Variants in ZNF143 observed in about 807,000 individuals in gnomAD.
ZNF143 encodes the protein zinc finger protein 143, also known as SPH-binding factor.
In ZNF143, 49 loss-of-function variants were observed where a neutral mutation model predicts 74.1. That is an observed-to-expected ratio of 0.66 (90% CI 0.53 to 0.84). The LOEUF (loss-of-function observed/expected upper bound fraction) is 0.84. Ranked by LOEUF, ZNF143 falls within the 40% of genes least tolerant of loss-of-function variation. The pLI is 0.00. For synonymous variants in ZNF143, 304 were observed against 282.8 expected (o/e 1.07, Z -0.75); for missense variants, 637 against 793.4 (o/e 0.80, Z 2.37).
chr11:9,496,877 C>T (rs566295542), intron 9 of ZNF143, among the ~76,000 whole-genome samples: 17 of 152,098 alleles, frequency 1.1e-4, no homozygotes, highest in African/African-American at 2.9e-4. Context: ...GGATTACAGG[C>T]GTGAGCCACT....
intron 11 of ZNF143, among the ~76,000 whole-genome samples, chr11:9,504,965 G>A (rs1848305993): frequency 1.0e-5 from 1 of 100,332 alleles, no homozygotes; most frequent in African/African-American, 3.3e-5. Flanking sequence ...GAGCCACCAC[G>A]CCCAGCCTCT....
intron 11 of ZNF143, among the ~76,000 whole-genome samples, chr11:9,502,893 C>T (rs1048541340): frequency 6.6e-6 from 1 of 152,126 alleles, no homozygotes; most frequent in African/African-American, 2.4e-5. Flanking sequence ...TGCAGTGGCG[C>T]AATCTCGGCT....
chr11:9,486,354 A>T (rs1407196786), intron 7 of ZNF143, among the ~76,000 whole-genome samples: 16 of 57,022 alleles, frequency 2.8e-4, no homozygotes, highest in Non-Finnish European at 4.3e-4. Flanking sequence ...TATATATATT[A>T]TATATATATT....
At chr11:9,503,453 A>G (rs1848239445) in intron 11 of ZNF143, among the ~76,000 whole-genome samples, 1 of 152,152 alleles carries the variant, frequency 6.6e-6, no homozygotes. Flanking sequence ...AAGTGGCTGC[A>G]CCATTTTACA....
At chr11:9,518,003 T>G (rs2134221929) in intron 14 of ZNF143, among the ~76,000 whole-genome samples, 1 of 152,264 alleles carries the variant, frequency 6.6e-6, no homozygotes, top group South Asian at 2.1e-4. Context: ...AATATAAGTC[T>G]AAAAACGGAC....
chr11:9,465,631 C>T (rs1300952780), intron 1 of ZNF143, among the ~76,000 whole-genome samples: 3 of 150,702 alleles, frequency 2.0e-5, no homozygotes, highest in Non-Finnish European at 4.4e-5. Flanking sequence ...TCCCTAGTAG[C>T]TGGGACTATA....
intron 11 of ZNF143, among the ~76,000 whole-genome samples, chr11:9,505,114 C>T (rs1459513194): frequency 8.2e-6 from 1 of 121,454 alleles, no homozygotes; most frequent in Non-Finnish European, 2.0e-5. Flanking sequence ...GCTGGGACTA[C>T]AGGCGCATAC....
intron 7 of ZNF143, among the ~76,000 whole-genome samples, chr11:9,485,322 TTTG>T (rs968910469): frequency 7.3e-5 from 11 of 150,542 alleles, no homozygotes; most frequent in East Asian, 3.9e-4. Flanking sequence ...AGAAATCTGC[TTTG>T]TTGTTGTTTT....
chr11:9,509,509 A>T (rs976842736), intron 12 of ZNF143, among the ~76,000 whole-genome samples: 1 of 152,246 alleles, frequency 6.6e-6, no homozygotes, highest in Non-Finnish European at 1.5e-5. Flanking sequence ...GGTAAAAGGA[A>T]GTCGGTTTTT....
At chr11:9,462,595 T>A (rs1420996823) in intron 1 of ZNF143, among the ~76,000 whole-genome samples, 1 of 151,608 alleles carries the variant, frequency 6.6e-6, no homozygotes, top group Admixed American at 6.6e-5. Context: ...AATTTTAGCC[T>A]GGGTGTGGTG....
chr11:9,525,852 T>C (rs988576987), intron 15 of ZNF143, among the ~76,000 whole-genome samples: 1 of 152,038 alleles, frequency 6.6e-6, no homozygotes, highest in Non-Finnish European at 1.5e-5. Context: ...ATTTAGAATC[T>C]TAGGTGCAGC....
chr11:9,489,510 T>G (rs150482087), intron 7 of ZNF143, among the ~76,000 whole-genome samples: 168 of 152,318 alleles, frequency 1.1e-3, no homozygotes, highest in Admixed American at 2.9e-3. Context: ...TGGTTAGGAA[T>G]TCAACATTGT....
chr11:9,464,593 C>CAGA (rs1856079078), intron 1 of ZNF143, among the ~76,000 whole-genome samples: 2 of 149,746 alleles, frequency 1.3e-5, no homozygotes, highest in East Asian at 4.0e-4. Context: ...AGAACAAGAC[C>CAGA]CTGTCTCAAT....
chr11:9,505,405 G>C (rs927433887), intron 11 of ZNF143, among the ~76,000 whole-genome samples: 5 of 151,918 alleles, frequency 3.3e-5, no homozygotes, highest in Non-Finnish European at 7.4e-5. Context: ...GAGTAGCTGG[G>C]ATTACAGGCG....
At chr11:9,505,054 A>C (rs1439441099) in intron 11 of ZNF143, among the ~76,000 whole-genome samples, 2 of 111,154 alleles carry the variant, frequency 1.8e-5, no homozygotes, top group East Asian at 2.5e-4. Context: ...GCTCACTGCA[A>C]CCTCCGCCTC....
intron 8 of ZNF143, among the ~76,000 whole-genome samples, chr11:9,495,887 G>A (rs1166556690): frequency 2.0e-5 from 3 of 152,116 alleles, no homozygotes; most frequent in East Asian, 3.9e-4. Flanking sequence ...GCTCAGAGAA[G>A]GCAAGTGCCC....
At chr11:9,524,567 T>C (rs1440058246) in intron 14 of ZNF143, among the ~76,000 whole-genome samples, 1 of 152,220 alleles carries the variant, frequency 6.6e-6, no homozygotes, top group African/African-American at 2.4e-5. Context: ...TGAATTTGGC[T>C]GAGTAAAATT....
At chr11:9,485,787 C>G (rs949820213) in intron 7 of ZNF143, among the ~76,000 whole-genome samples, 2 of 151,366 alleles carry the variant, frequency 1.3e-5, no homozygotes, top group East Asian at 3.8e-4. Context: ...TTATCCTCCC[C>G]CAAGAATATA....
At chr11:9,461,520 C>T (rs1855841123) in intron 1 of ZNF143, 1 of 152,198 alleles carries the variant, frequency 6.6e-6, no homozygotes, top group Admixed American at 6.5e-5. Flanking sequence ...CACACCAGGC[C>T]GCAGCGGGGG....
Sources: allele counts gnomAD v4.1 joint callset (sites outside exome capture counted in the v4.1 genomes callset), GRCh38; gene constraint gnomAD v4.1.1; transcripts MANE v1.5; gene names NCBI Gene and HGNC (gene_info 2026-07-23, HGNC 2026-07-21).